FGF12: variants seen among roughly 807,000 people sequenced by gnomAD.
The protein encoded by FGF12 is fibroblast growth factor 12B.
Under a neutral mutation model 23.6 loss-of-function variants are expected in FGF12, and 14 were observed. The ratio of observed to expected loss-of-function variants is 0.59; its 90% CI spans 0.39 to 0.93. The LOEUF is 0.93. FGF12 is among the 40% of genes least tolerant of loss of function. The pLI, the probability that FGF12 is intolerant of heterozygous loss-of-function variation, is 0.00. For synonymous variants in FGF12, 62 were observed against 77.3 expected (o/e 0.80, Z 1.04); for missense variants, 175 against 217.8 (o/e 0.80, Z 1.24).
chr3:192,547,617 A>G (rs1431804417), intron 2 of FGF12, among the ~76,000 whole-genome samples: 1 of 152,248 alleles, frequency 6.6e-6, no homozygotes, highest in African/African-American at 2.4e-5. Context: ...AATTGGCCAC[A>G]TAGAAATGAT....
At chr3:192,247,472 T>A (rs1422814199) in intron 4 of FGF12, among the ~76,000 whole-genome samples, 1 of 152,106 alleles carries the variant, frequency 6.6e-6, no homozygotes, top group East Asian at 1.9e-4. Flanking sequence ...CAATCATGAA[T>A]ACAATATGAT....
At chr3:192,536,842 T>C (rs1725236373) in intron 2 of FGF12, among the ~76,000 whole-genome samples, 1 of 152,070 alleles carries the variant, frequency 6.6e-6, no homozygotes, top group Non-Finnish European at 1.5e-5. Context: ...TTTAAATATA[T>C]AGTAAATTAT....
At position 192,514,801 on chromosome 3, in the gene FGF12, C is replaced by G. The variant is rs958594138; in HGVS notation, c.14-154263G>C. Reference sequence around the variant, plus strand: ...GGTTGGTCAACTCCCCGCCCACCTGCGCTAGTAGTCCAACCAACAGGCGGC... The same window carrying G: ...GGTTGGTCAACTCCCCGCCCACCTGGGCTAGTAGTCCAACCAACAGGCGGC... On this transcript the variant is annotated intron_variant, in intron 2 of 5. Coordinates refer to ENST00000445105, the MANE Select transcript of FGF12 (RefSeq NM_004113.6). The surrounding 1 kb of genome is among the most constrained non-coding windows in gnomAD (Gnocchi z 4.9). 18 of 985,424 alleles carry G rather than the reference C, an allele frequency of 1.8e-5. No homozygotes were observed. The South Asian group carries it at 7.0e-4, about 39-fold the overall frequency. 61.0% of individuals were successfully genotyped at this position (985,424 alleles called of 1,614,324 possible). A position where few individuals can be genotyped will look rare whatever the true frequency, so the allele number is the denominator to read the frequency against.
intron 4 of FGF12, among the ~76,000 whole-genome samples, chr3:192,320,082 C>T (rs574578127): frequency 6.6e-6 from 1 of 152,154 alleles, no homozygotes; most frequent in East Asian, 1.9e-4. Flanking sequence ...AAACTAGAGC[C>T]AATAATGTCT....
At chr3:192,277,995 T>G (rs1713907635) in intron 4 of FGF12, among the ~76,000 whole-genome samples, 1 of 149,496 alleles carries the variant, frequency 6.7e-6, no homozygotes, top group African/African-American at 2.4e-5. Context: ...ACTCCTGACC[T>G]CGTGATCCAC....
intron 4 of FGF12, among the ~76,000 whole-genome samples, chr3:192,311,894 G>A (rs927438989): frequency 4.6e-5 from 7 of 151,894 alleles, no homozygotes; most frequent in African/African-American, 1.5e-4. Context: ...GGCTAATGGT[G>A]TTGAGTACAT....
intron 4 of FGF12, among the ~76,000 whole-genome samples, chr3:192,334,138 C>T (rs541893662): frequency 5.8e-4 from 88 of 152,098 alleles, no homozygotes; most frequent in South Asian, 1.2e-3. Flanking sequence ...TTGGCAGGTC[C>T]GAGCTTAGGC....
intron 2 of FGF12, among the ~76,000 whole-genome samples, chr3:192,468,168 T>A (rs1292416905): frequency 2.0e-5 from 3 of 152,212 alleles, no homozygotes; most frequent in Non-Finnish European, 4.4e-5. Context: ...GACAATCTTT[T>A]TGGAAAAATT....
chr3:192,650,834 T>C (rs1716189257), intron 2 of FGF12, among the ~76,000 whole-genome samples: 1 of 152,200 alleles, frequency 6.6e-6, no homozygotes, highest in South Asian at 2.1e-4. Flanking sequence ...ACTTTACATA[T>C]TCTGTCCTAT....
chr3:192,402,188 A>G (rs1195651526), intron 2 of FGF12, among the ~76,000 whole-genome samples: 2 of 152,228 alleles, frequency 1.3e-5, no homozygotes, highest in Non-Finnish European at 2.9e-5. Context: ...TTTACTATCC[A>G]AAACATCTGA....
chr3:192,468,095 G>A (rs1723062929), intron 2 of FGF12, among the ~76,000 whole-genome samples: 1 of 152,136 alleles, frequency 6.6e-6, no homozygotes, highest in South Asian at 2.1e-4. Context: ...CCTTTTGCAT[G>A]AATACATAAG....
intron 4 of FGF12, among the ~76,000 whole-genome samples, chr3:192,279,234 A>G (rs1577313818): frequency 1.5e-5 from 1 of 65,238 alleles, no homozygotes; most frequent in African/African-American, 5.3e-5. Flanking sequence ...GTATGAGTAT[A>G]TATATATATA....
At chr3:192,512,926 A>T (rs1724533695) in intron 2 of FGF12, among the ~76,000 whole-genome samples, 3 of 147,518 alleles carry the variant, frequency 2.0e-5, no homozygotes, top group Non-Finnish European at 4.5e-5. Context: ...ATGGGTAGTG[A>T]CTTATTGAGA....
At chr3:192,426,183 T>C (rs1721683200) in intron 2 of FGF12, among the ~76,000 whole-genome samples, 2 of 152,194 alleles carry the variant, frequency 1.3e-5, no homozygotes, top group African/African-American at 2.4e-5. Flanking sequence ...TGGTCTAAGA[T>C]CCTGGGCTTT....
In FGF12 at chr3:192,354,435, TAAAC is replaced by T. The variant is rs1718373614; in HGVS notation, c.124+5989_124+5992del. 2.7e-5 allele frequency among the ~76,000 whole-genome samples: 4 copies of T among 146,302 alleles called. No individual in the cohort carries two copies. The East Asian group carries it at 8.0e-4, about 29-fold the overall frequency. ...TGACGGCAGAAAAGCACATTTAAAA[TAAAC>T]AAAAAAGAATAAAGCATGGCAAAAA... On this transcript the variant is annotated intron_variant, in intron 3 of 5. Transcript: ENST00000445105.
At chr3:192,368,846 T>A (rs1011752031) in intron 2 of FGF12, among the ~76,000 whole-genome samples, 7 of 152,184 alleles carry the variant, frequency 4.6e-5, no homozygotes, top group Non-Finnish European at 1.0e-4. Context: ...TGAGAAAGTC[T>A]GCCAGCCCTT....
intron 4 of FGF12, among the ~76,000 whole-genome samples, chr3:192,312,405 T>C (rs1195615113): frequency 7.2e-6 from 1 of 139,020 alleles, no homozygotes; most frequent in African/African-American, 3.3e-5. Flanking sequence ...ACTTAGCCTT[T>C]AATTTTTTTT....
At chr3:192,161,896 A>C in intron 5 of FGF12, among the ~76,000 whole-genome samples, 1 of 152,124 alleles carries the variant, frequency 6.6e-6, no homozygotes. Context: ...TCTGTAGTGG[A>C]GAGTTGAACA....
chr3:192,489,451 A>C (rs1723735064), intron 2 of FGF12, among the ~76,000 whole-genome samples: 1 of 152,052 alleles, frequency 6.6e-6, no homozygotes, highest in South Asian at 2.1e-4. Context: ...TTCTTTGCCA[A>C]GAGAGTCTCA....
Sources: gnomAD v4.1 joint callset for allele counts (sites outside exome capture counted in the v4.1 genomes callset) on GRCh38, gnomAD v4.1.1 for gene constraint, Gnocchi (gnomAD v3.1) non-coding constraint, MANE v1.5 for transcripts, NCBI Gene and HGNC (gene_info 2026-07-23, HGNC 2026-07-21) for gene names.